The following COPG2 variants were observed in gnomAD, a reference collection of about 807,000 sequenced individuals.
COPG2 encodes the protein coat protein complex I subunit gamma 2, also known as coatomer subunit gamma-2.
Under a neutral mutation model 46.3 loss-of-function variants are expected in COPG2, and 37 were observed. The ratio of observed to expected loss-of-function variants is 0.80; its 90% CI spans 0.61 to 1.05. The LOEUF is 1.05. COPG2 is among the 50% of genes least tolerant of loss of function. The pLI is 0.00. For missense variants in COPG2, 427 were observed against 387.8 expected, an observed-to-expected ratio of 1.10 and a Z score of -0.85; for synonymous variants, 159 against 129.7, an observed-to-expected ratio of 1.23 and a Z score of -1.53.
At chr7:130,606,259 A>AG (rs1794726694) in intron 9 of COPG2, among the ~76,000 whole-genome samples, 3 of 149,254 alleles carry the variant, frequency 2.0e-5, no homozygotes, top group African/African-American at 7.4e-5. Context: ...AGAGAGAGAG[A>AG]AAGAAAGAGA....
Position 130,641,175 on chromosome 7 carries a change from C to CAAA in COPG2, c.323+11691_323+11693dup, listed in dbSNP as rs34617870. 1.9e-3 allele frequency among the ~76,000 whole-genome samples: 164 copies of CAAA among 87,326 alleles called. 1 individual carries two copies. The highest frequency in any genetic ancestry group is 6.1e-3 in the Middle Eastern group (1 of 164). The allele number at this position is 87,326 out of a possible 152,430, so 57.3% of individuals were successfully genotyped here. On this transcript the variant is annotated intron_variant, in intron 5 of 23. Transcript: ENST00000425248. ...ATCAACATAGCAAGACCCTACCTCT[C>CAAA]AAAAAAAAAAAAAAAAAAAAGAGAA...
chr7:130,511,305 G>A lies in COPG2; in HGVS notation c.2150-2646C>T, dbSNP rs1435588717. Reference sequence around the variant, plus strand: ...TGTCACTAGGGCAAAAGATTAGAAAGAAGGCAAAAGAGATGGATCTGTACA... The same window carrying A: ...TGTCACTAGGGCAAAAGATTAGAAAAAAGGCAAAAGAGATGGATCTGTACA... On this transcript the variant is annotated intron_variant, in intron 20 of 23. Transcript: ENST00000425248. 1.5e-5 allele frequency: 6 copies of A among 410,260 alleles called. No homozygotes were observed. In the Admixed American group the frequency reaches 1.9e-4, roughly 13 times the overall value. 25.4% of individuals were successfully genotyped at this position (410,260 alleles called of 1,614,324 possible).
chr7:130,649,736 G>A (rs1348937933), intron 5 of COPG2, among the ~76,000 whole-genome samples: 3 of 152,014 alleles, frequency 2.0e-5, no homozygotes, highest in Non-Finnish European at 4.4e-5. Context: ...CTATTGTCAT[G>A]GCAATCTAGG....
intron 20 of COPG2, among the ~76,000 whole-genome samples, chr7:130,518,284 A>G (rs950080013): frequency 8.4e-4 from 128 of 152,330 alleles, no homozygotes; most frequent in African/African-American, 2.8e-3. Flanking sequence ...GATAGGAAGA[A>G]GTGGGTGTAT....
chr7:130,515,836 A>G (rs1470091718), intron 20 of COPG2, among the ~76,000 whole-genome samples: 1 of 152,018 alleles, frequency 6.6e-6, no homozygotes, highest in African/African-American at 2.4e-5. Flanking sequence ...GATGAGGAAT[A>G]CTGGGACAGG....
intron 9 of COPG2, chr7:130,605,368 A>G: frequency 2.1e-6 from 1 of 471,954 alleles, no homozygotes; most frequent in Non-Finnish European, 4.2e-6. Context: ...ACAACATGGC[A>G]AAGGAACTGT....
At chr7:130,651,484 AT>A (rs1286294724) in intron 5 of COPG2, among the ~76,000 whole-genome samples, 4 of 125,640 alleles carry the variant, frequency 3.2e-5, no homozygotes, top group African/African-American at 1.2e-4. Flanking sequence ...TGCCTGGCTA[AT>A]TTTTTTGTAT....
In COPG2 at chr7:130,551,441, G is replaced by A. The variant is rs1181763752; in HGVS notation, c.1545-97C>T. The stretch of plus-strand genomic sequence containing the variant: ...AAGGACACAGCTCAGGTCGTCATCT[G>A]ATACTACCTTTAAAAAAGTGCTCAA... On this transcript the variant is annotated intron_variant, in intron 15 of 23. Coordinates refer to ENST00000425248, the MANE Select transcript of COPG2 (RefSeq NM_012133.6). 3 of 394,476 alleles carry A rather than the reference G, an allele frequency of 7.6e-6. No individual in the cohort carries two copies. The East Asian group carries it at 1.1e-4, about 14-fold the overall frequency. 24.4% of individuals were successfully genotyped at this position (394,476 alleles called of 1,614,324 possible).
At position 130,605,362 on chromosome 7, in the gene COPG2, C is replaced by A. The variant is rs1158750550; in HGVS notation, c.737+5591G>T. ...AACTGATGAATATGTTACGTTACAA[C>A]ATGGCAAAGGAACTGTGCTGATATA... On this transcript the variant is annotated intron_variant, in intron 9 of 23. Transcript: ENST00000425248. The A allele has an allele frequency of 1.3e-5, 6 of 476,270 alleles. No homozygotes were observed. The East Asian group carries it at 3.3e-4, about 26-fold the overall frequency. 29.5% of individuals were successfully genotyped at this position (476,270 alleles called of 1,614,324 possible). A position where few individuals can be genotyped will look rare whatever the true frequency, so the allele number is the denominator to read the frequency against.
chr7:130,534,626 T>C lies in COPG2; in HGVS notation c.2149+13048A>G, dbSNP rs1354188078. 2.0e-5 allele frequency among the ~76,000 whole-genome samples: 3 copies of C among 151,866 alleles called. No individual in the cohort carries two copies. The East Asian group carries it at 5.8e-4, about 29-fold the overall frequency. On this transcript the variant is annotated intron_variant, in intron 20 of 23. Transcript: ENST00000425248. The stretch of plus-strand genomic sequence containing the variant: ...CCAGTGGTAGTCAGGGTGGCAGAGA[T>C]GGGTAGAGGCAAGGGTAATTCTTTC...
chr7:130,590,544 G>A (rs1246704136), intron 9 of COPG2, among the ~76,000 whole-genome samples: 2 of 152,116 alleles, frequency 1.3e-5, no homozygotes, highest in Non-Finnish European at 2.9e-5. Flanking sequence ...AGACGGAGTT[G>A]CGTTCACTCA....
chr7:130,535,115 A>C (rs1397216116), intron 20 of COPG2, among the ~76,000 whole-genome samples: 2 of 152,210 alleles, frequency 1.3e-5, no homozygotes, highest in Admixed American at 1.3e-4. Context: ...AGGTCAAAGT[A>C]GTGAGCACAT....
intron 1 of COPG2, among the ~76,000 whole-genome samples, chr7:130,668,108 G>A (rs545636174): frequency 6.6e-6 from 1 of 152,324 alleles, no homozygotes; most frequent in African/African-American, 2.4e-5. Flanking sequence ...CTGGACACCT[G>A]AGCATTCAAC....
chr7:130,642,187 G>A (rs1554457431), intron 5 of COPG2, among the ~76,000 whole-genome samples: 1 of 151,578 alleles, frequency 6.6e-6, no homozygotes, highest in Non-Finnish European at 1.5e-5. Context: ...GTAATGAGTA[G>A]AACAGTAAAA....
intron 20 of COPG2, among the ~76,000 whole-genome samples, chr7:130,543,553 A>G (rs1013893073): frequency 6.6e-4 from 100 of 152,348 alleles, no homozygotes; most frequent in African/African-American, 2.3e-3. Context: ...TGTCAGTTCT[A>G]CTAGCTAAGG....
chr7:130,571,884 T>C (rs1006945117), intron 9 of COPG2, among the ~76,000 whole-genome samples: 2 of 151,570 alleles, frequency 1.3e-5, no homozygotes, highest in Non-Finnish European at 2.9e-5. Flanking sequence ...CACACACACA[T>C]ATATACACCA....
intron 5 of COPG2, among the ~76,000 whole-genome samples, chr7:130,641,175 C>CAA (rs34617870): frequency 0.032 from 2,819 of 87,616 alleles, 104 homozygotes; most frequent in Non-Finnish European, 0.043. Flanking sequence ...CCCTACCTCT[C>CAA]AAAAAAAAAA....
chr7:130,578,700 T>G (rs1584981138), intron 9 of COPG2, among the ~76,000 whole-genome samples: 2 of 150,878 alleles, frequency 1.3e-5, no homozygotes, highest in South Asian at 2.1e-4. Context: ...ATATGAAGAA[T>G]GCAGAAGCCT....
chr7:130,668,529 C>T (rs1368606060), intron 1 of COPG2, 103 bp downstream of exon 1: 7 of 1,058,722 alleles, frequency 6.6e-6, no homozygotes, highest in Non-Finnish European at 7.6e-6. Flanking sequence ...CCTGGCACGG[C>T]GGCGCCCACG....
Sources: gnomAD v4.1 joint callset for allele counts (sites outside exome capture counted in the v4.1 genomes callset) on GRCh38, gnomAD v4.1.1 for gene constraint, MANE v1.5 for transcripts, NCBI Gene and HGNC (gene_info 2026-07-23, HGNC 2026-07-21) for gene names.